Variants in ECT2L observed in about 807,000 individuals in gnomAD.
ECT2L encodes the protein epithelial cell transforming 2 like.
A neutral mutation model predicts 122.8 loss-of-function variants in ECT2L; 126 were observed. The observed-to-expected ratio is 1.03, with a 90% CI of 0.89 to 1.19. The LOEUF (loss-of-function observed/expected upper bound fraction) is 1.19, where lower values mean the gene tolerates loss of function less well. ECT2L is among the 50% of genes most tolerant of loss of function. The pLI, the probability that ECT2L is intolerant of heterozygous loss-of-function variation, is 0.00. For synonymous variants in ECT2L, 385 were observed against 381.8 expected, an observed-to-expected ratio of 1.01 and a Z score of -0.10; for missense variants, 1,012 against 1,064.1, an observed-to-expected ratio of 0.95 and a Z score of 0.68.
intron 10 of ECT2L, 67 bp downstream of exon 10, chr6:138,854,221 T>C: frequency 4.7e-6 from 7 of 1,493,610 alleles, no homozygotes; most frequent in Non-Finnish European, 6.3e-6. Flanking sequence ...TTGTGAATTA[T>C]TGAAGTGCCC....
chr6:138,889,803 A>C (rs1173615752), intron 20 of ECT2L, among the ~76,000 whole-genome samples: 1 of 152,236 alleles, frequency 6.6e-6, no homozygotes, highest in African/African-American at 2.4e-5. Flanking sequence ...AGATGGAAGG[A>C]TGCTAATTTT....
intron 4 of ECT2L, among the ~76,000 whole-genome samples, chr6:138,826,638 G>C (rs954518895): frequency 6.6e-6 from 1 of 152,072 alleles, no homozygotes; most frequent in Non-Finnish European, 1.5e-5. Flanking sequence ...TAGCACTCCA[G>C]CCTAGGCAAC....
chr6:138,875,764 C>T (rs545206859), intron 13 of ECT2L, among the ~76,000 whole-genome samples: 1 of 152,288 alleles, frequency 6.6e-6, no homozygotes, highest in South Asian at 2.1e-4. Flanking sequence ...CCTTCTGGAT[C>T]TTAAAAATAA....
chr6:138,872,694 T>A (rs1778299252), intron 13 of ECT2L, among the ~76,000 whole-genome samples: 1 of 152,190 alleles, frequency 6.6e-6, no homozygotes, highest in Non-Finnish European at 1.5e-5. Context: ...AAGGGAATGA[T>A]CAACATATAA....
At chr6:138,871,481 G>C (rs543540446) in intron 13 of ECT2L, among the ~76,000 whole-genome samples, 1 of 152,290 alleles carries the variant, frequency 6.6e-6, no homozygotes, top group African/African-American at 2.4e-5. Context: ...TGCCCCAAAT[G>C]AACTCAGCAG....
intron 9 of ECT2L, among the ~76,000 whole-genome samples, chr6:138,850,733 G>A (rs886511377): frequency 6.6e-6 from 1 of 152,042 alleles, no homozygotes; most frequent in Non-Finnish European, 1.5e-5. Context: ...CTGGTGCAGT[G>A]GCTCACGCCT....
intron 1 of ECT2L, among the ~76,000 whole-genome samples, chr6:138,809,731 G>C (rs892445946): frequency 3.3e-5 from 5 of 152,028 alleles, no homozygotes; most frequent in Admixed American, 2.6e-4. Flanking sequence ...ATTATATAAA[G>C]GTTATACCAA....
chr6:138,882,825 C>T lies in ECT2L; in HGVS notation c.1982C>T (p.Thr661Ile), dbSNP rs776457446. The T allele has an allele frequency of 6.2e-7, 1 of 1,614,024 alleles. No individual in the cohort carries two copies. Among genetic ancestry groups the T allele is most frequent in the Non-Finnish European group, 8.5e-7 (1 of 1,180,030 alleles). ...TKFGSQLNTY[T>I]NFFNNYPVIL... ...TTTGGAAGCCAGTTAAACACATATACCAATTTCTTCAACAATTACCCTGTC... is the reference window on the plus strand; with the variant it reads ...TTTGGAAGCCAGTTAAACACATATATCAATTTCTTCAACAATTACCCTGTC... Residue 661 changes from threonine to isoleucine, a missense_variant, in exon 16 of 22, where the codon ACC (threonine) becomes ATC (isoleucine). Physicochemically the swap from Thr to Ile is moderately conservative, Grantham distance 89 (BLOSUM62 -1). Coordinates refer to ENST00000541398, the MANE Select transcript of ECT2L (RefSeq NM_001077706.3).
rs528041246 is a variant in ECT2L at position 138,843,071 on chromosome 6, C to T, written c.435C>T (p.Tyr145=). ...DNEYGAWKRH[Y]IACVSHLDWL... ...AGTATGGTGCTTGGAAGCGCCATTA[C>T]ATTGCTTGTGTGTCCCACTTAGACT... Residue 145 remains tyrosine, a synonymous_variant, in exon 6 of 22, where the codon TAC becomes TAT. Coordinates refer to ENST00000541398, the MANE Select transcript of ECT2L (RefSeq NM_001077706.3). 1 of 1,613,846 alleles carries T rather than the reference C, an allele frequency of 6.2e-7. No individual in the cohort carries two copies. Among genetic ancestry groups the T allele is most frequent in the East Asian group, 2.2e-5 (1 of 44,876 alleles).
intron 4 of ECT2L, among the ~76,000 whole-genome samples, chr6:138,831,568 C>T (rs9403008): frequency 0.058 from 8,877 of 152,262 alleles, 371 homozygotes; most frequent in East Asian, 0.2. Context: ...TGCCTTTAAC[C>T]CACTTAGCTC....
At chr6:138,883,034 G>A (rs1252448638) in intron 16 of ECT2L, among the ~76,000 whole-genome samples, 163 bp downstream of exon 16, 1 of 152,108 alleles carries the variant, frequency 6.6e-6, no homozygotes, top group Non-Finnish European at 1.5e-5. Context: ...CTGACTTAGG[G>A]GCTAGCACAA....
At chr6:138,855,510 G>GA (rs146968401) in intron 10 of ECT2L, among the ~76,000 whole-genome samples, 30,729 of 151,274 alleles carry the variant, frequency 0.2, 3,268 homozygotes, top group East Asian at 0.32. Context: ...CTCCACCTCA[G>GA]AAAAAAAAGA....
chr6:138,815,768 C>T (rs1776047158), intron 4 of ECT2L, among the ~76,000 whole-genome samples: 1 of 152,126 alleles, frequency 6.6e-6, no homozygotes, highest in African/African-American at 2.4e-5. Flanking sequence ...GGGTAACCTT[C>T]GGATGTCTTA....
chr6:138,887,181 G>A (rs1778854532), intron 19 of ECT2L, among the ~76,000 whole-genome samples: 1 of 151,834 alleles, frequency 6.6e-6, no homozygotes, highest in Admixed American at 6.6e-5. Context: ...TGATCACAAT[G>A]CCCTGTGAGG....
At chr6:138,862,520 G>T in intron 10 of ECT2L, 107 bp from the exon 11 acceptor site, 1 of 1,086,524 alleles carries the variant, frequency 9.2e-7, no homozygotes. Flanking sequence ...TCCAACGTTG[G>T]GGATTAGATT....
intron 14 of ECT2L, 75 bp downstream of exon 14, chr6:138,876,633 G>T: frequency 5.8e-6 from 5 of 859,182 alleles, no homozygotes; most frequent in South Asian, 2.0e-5. Flanking sequence ...ATTCTGGTTA[G>T]TTCTTCATTT....
chr6:138,883,443 A>G (rs1393430326), intron 16 of ECT2L, among the ~76,000 whole-genome samples: 1 of 152,208 alleles, frequency 6.6e-6, no homozygotes, highest in Non-Finnish European at 1.5e-5. Flanking sequence ...TATGGGAATA[A>G]CATCCCTCTT....
At chr6:138,867,999 CAAAAAA>C in intron 12 of ECT2L, 98 bp from the exon 13 acceptor site, 55 of 332,798 alleles carry the variant, frequency 1.7e-4, no homozygotes, top group East Asian at 5.5e-4. Context: ...GATTCTGTCT[CAAAAAA>C]AAAAAAAAAA....
intron 4 of ECT2L, 30 bp downstream of exon 4, chr6:138,814,633 T>C (rs747273626): frequency 2.9e-6 from 4 of 1,360,038 alleles, no homozygotes; most frequent in East Asian, 2.3e-5. Context: ...GTAATTAACA[T>C]TGATTCTTAA....
Sources: gnomAD v4.1 joint callset for allele counts (sites outside exome capture counted in the v4.1 genomes callset) on GRCh38, gnomAD v4.1.1 for gene constraint, MANE v1.5 for transcripts, NCBI Gene and HGNC (gene_info 2026-07-23, HGNC 2026-07-21) for gene names.